NINJ2: variants seen among roughly 807,000 people sequenced by gnomAD.
The protein encoded by NINJ2 is ninjurin-2.
NINJ2 carries 12 observed loss-of-function variants against 11.7 expected under a neutral mutation model. That is an observed-to-expected ratio of 1.02 (90% CI 0.66 to 1.66). The LOEUF is 1.66. NINJ2 is among the 40% of genes most tolerant of loss of function. NINJ2 has a pLI of 0.00. For synonymous variants in NINJ2, 93 were observed against 76.8 expected (o/e 1.21, Z -1.10); for missense variants, 187 against 181.8 (o/e 1.03, Z -0.16).
rs952126143 is a variant in NINJ2 at position 591,698 on chromosome 12, G to A, written c.34-25520C>T. Among the ~76,000 whole-genome samples, 3 of 152,146 alleles carry A rather than the reference G, an allele frequency of 2.0e-5. No homozygotes were observed. Among genetic ancestry groups the A allele is most frequent in the Non-Finnish European group, 4.4e-5 (3 of 68,032 alleles). ...TGCAGTGTCACCAGTCTGGCTTCTCGCCCCAGGTCCCTTGGGCACGTCTTA... is the reference window on the plus strand; with the variant it reads ...TGCAGTGTCACCAGTCTGGCTTCTCACCCCAGGTCCCTTGGGCACGTCTTA... On this transcript the variant is annotated intron_variant, in intron 1 of 3. Transcript: ENST00000305108. The surrounding 1 kb of genome is among the most constrained non-coding windows in gnomAD (Gnocchi z 5.0).
intron 1 of NINJ2, among the ~76,000 whole-genome samples, chr12:621,876 G>GT (rs1400645400): frequency 6.6e-6 from 1 of 151,746 alleles, no homozygotes; most frequent in Non-Finnish European, 1.5e-5. Context: ...GCTCACACCT[G>GT]TAATCCCAGC....
intron 1 of NINJ2, among the ~76,000 whole-genome samples, chr12:600,890 T>C (rs191783427): frequency 1.0e-3 from 157 of 152,262 alleles, no homozygotes; most frequent in African/African-American, 3.7e-3. Flanking sequence ...TTAGGGTTGT[T>C]CTAGTATTTA....
At chr12:638,040 A>G (rs1054884795) in intron 1 of NINJ2, among the ~76,000 whole-genome samples, 1 of 152,228 alleles carries the variant, frequency 6.6e-6, no homozygotes, top group African/African-American at 2.4e-5. Context: ...ACAACACTGG[A>G]AAACAACAAA....
chr12:641,789 G>A (rs898524072), intron 1 of NINJ2, among the ~76,000 whole-genome samples: 1 of 132,846 alleles, frequency 7.5e-6, no homozygotes, highest in African/African-American at 2.7e-5. Context: ...AGGTTGCAGT[G>A]AGCCGAGATG....
chr12:609,971 G>T (rs10744693), intron 1 of NINJ2, among the ~76,000 whole-genome samples: 31,072 of 148,236 alleles, frequency 0.21, 3,520 homozygotes, highest in East Asian at 0.3. Context: ...AAAGACGAAG[G>T]AGAGAAATAA....
At chr12:575,627 A>G (rs1204161812) in intron 1 of NINJ2, among the ~76,000 whole-genome samples, 2 of 152,128 alleles carry the variant, frequency 1.3e-5, no homozygotes. Context: ...TGCCCACTTT[A>G]GCACACGGAC....
At chr12:594,352 G>C (rs1187906262) in intron 1 of NINJ2, among the ~76,000 whole-genome samples, 2 of 152,144 alleles carry the variant, frequency 1.3e-5, no homozygotes, top group African/African-American at 2.4e-5. Flanking sequence ...CATTACATTA[G>C]TCCTCAAAAA....
At position 598,581 on chromosome 12, in the gene NINJ2, C is replaced by G. The variant is rs771116920; in HGVS notation, c.34-32403G>C. Among the ~76,000 whole-genome samples the G allele has an allele frequency of 3.5e-4, 53 of 152,206 alleles. 1 individual carries two copies. Among genetic ancestry groups the G allele is most frequent in the Non-Finnish European group, 4.4e-5 (3 of 68,044 alleles). ...TTTAAAACATGGTCATCAATTCAATCTAATTAGAGTCATTTGAGGTCCACC... is the reference window on the plus strand; with the variant it reads ...TTTAAAACATGGTCATCAATTCAATGTAATTAGAGTCATTTGAGGTCCACC... On this transcript the variant is annotated intron_variant, in intron 1 of 3. Transcript: ENST00000305108.
At position 580,089 on chromosome 12, in the gene NINJ2, C is replaced by T. The variant is rs1846653968; in HGVS notation, c.34-13911G>A. On this transcript the variant is annotated intron_variant, in intron 1 of 3. Transcript: ENST00000305108. The surrounding 1 kb of genome is among the most constrained non-coding windows in gnomAD (Gnocchi z 4.7). ...ATATGCTACCTATAAATATTTTAGACTGGTCCCCATTGTTGAGGGACTTAC... is the reference window on the plus strand; with the variant it reads ...ATATGCTACCTATAAATATTTTAGATTGGTCCCCATTGTTGAGGGACTTAC... 6.6e-6 allele frequency among the ~76,000 whole-genome samples: 1 copy of T among 152,166 alleles called. No individual in the cohort carries two copies. Among genetic ancestry groups the T allele is most frequent in the South Asian group, 2.1e-4 (1 of 4,818 alleles).
chr12:622,657 A>G (rs11063909), intron 1 of NINJ2, among the ~76,000 whole-genome samples: 1 of 152,020 alleles, frequency 6.6e-6, no homozygotes, highest in Non-Finnish European at 1.5e-5. Context: ...TCCCACCTTC[A>G]TCCTCTAGAA....
intron 1 of NINJ2, among the ~76,000 whole-genome samples, chr12:608,382 A>T (rs923484305): frequency 2.6e-5 from 4 of 152,190 alleles, no homozygotes; most frequent in Admixed American, 2.6e-4. Context: ...AACACTTAAT[A>T]ATGTGCTTAT....
chr12:612,224 C>T (rs888966366), intron 1 of NINJ2, among the ~76,000 whole-genome samples: 2 of 152,160 alleles, frequency 1.3e-5, no homozygotes, highest in Non-Finnish European at 2.9e-5. Context: ...TACACACAGG[C>T]GAGAAATAAA....
chr12:566,473 G>T (rs922776594), intron 1 of NINJ2, among the ~76,000 whole-genome samples: 1 of 152,188 alleles, frequency 6.6e-6, no homozygotes, highest in African/African-American at 2.4e-5. Flanking sequence ...TCTGCTGCTG[G>T]TAAAATGCAC....
intron 1 of NINJ2, among the ~76,000 whole-genome samples, chr12:577,585 A>G (rs1259965842): frequency 6.6e-6 from 1 of 151,074 alleles, no homozygotes; most frequent in Non-Finnish European, 1.5e-5. Context: ...CAAATGCCCA[A>G]AGTCACCAGA....
At chr12:639,003 G>C (rs1010529764) in intron 1 of NINJ2, among the ~76,000 whole-genome samples, 2 of 152,166 alleles carry the variant, frequency 1.3e-5, no homozygotes, top group African/African-American at 4.8e-5. Context: ...CTGACATGGA[G>C]AGATTTCCAA....
chr12:643,161 C>CTGCCCAAGCCTCCTGCA (rs1565646841), intron 1 of NINJ2: 18 of 154,766 alleles, frequency 1.2e-4, no homozygotes, highest in African/African-American at 3.8e-4. Flanking sequence ...GTCCCCCTGC[C>CTGCCCAAGCCTCCTGCA]GCTGCCCAAG....
At chr12:638,560 C>T (rs1237155759) in intron 1 of NINJ2, among the ~76,000 whole-genome samples, 3 of 152,208 alleles carry the variant, frequency 2.0e-5, no homozygotes, top group East Asian at 1.9e-4. Context: ...GGACTACAGG[C>T]GCCCGCCACC....
intron 1 of NINJ2, among the ~76,000 whole-genome samples, chr12:648,977 CCTATCTATCTATCTATCTGT>C (rs1304936864): frequency 3.9e-4 from 11 of 27,916 alleles, no homozygotes; most frequent in Non-Finnish European, 9.7e-4. Context: ...AAGTCATCCA[CCTATCTATCTATCTATCTGT>C]CTATCTATCT....
chr12:629,827 T>C (rs1279991887), intron 1 of NINJ2, among the ~76,000 whole-genome samples: 1 of 141,332 alleles, frequency 7.1e-6, no homozygotes, highest in Non-Finnish European at 1.5e-5. Flanking sequence ...GCAGAGGTTG[T>C]GGTGAGCCGA....
Sources: gnomAD v4.1 joint callset for allele counts (sites outside exome capture counted in the v4.1 genomes callset) on GRCh38, gnomAD v4.1.1 for gene constraint, Gnocchi (gnomAD v3.1) non-coding constraint, MANE v1.5 for transcripts, NCBI Gene and HGNC (gene_info 2026-07-23, HGNC 2026-07-21) for gene names.